Variants in ASPG observed in about 807,000 individuals in gnomAD.
ASPG encodes the protein asparaginase, also known as 60 kDa lysophospholipase.
Under a neutral mutation model 63.2 loss-of-function variants are expected in ASPG, and 53 were observed. The observed-to-expected ratio is 0.84, with a 90% confidence interval of 0.67 to 1.05. ASPG has a LOEUF of 1.05. Ranked by LOEUF, ASPG falls within the 50% of genes least tolerant of loss-of-function variation. The probability of loss-of-function intolerance (pLI) is 0.00; values close to 1 mark genes in which losing one functional copy is unlikely to be tolerated. For missense variants in ASPG, 741 were observed against 794.4 expected, an observed-to-expected ratio of 0.93 and a Z score of 0.81; for synonymous variants, 370 against 355.0, an observed-to-expected ratio of 1.04 and a Z score of -0.48.
chr14:104,099,147 G>A (rs1368579383), intron 6 of ASPG, among the ~76,000 whole-genome samples, 168 bp downstream of exon 6: 4 of 152,328 alleles, frequency 2.6e-5, no homozygotes, highest in Non-Finnish European at 2.9e-5. Flanking sequence ...CCAGGGCTGC[G>A]TGGACAGGGC....
Position 104,095,651 on chromosome 14 carries a change from G to A in ASPG, c.424G>A (p.Ala142Thr), listed in dbSNP as rs1188345756. The A allele has an allele frequency of 1.9e-6, 3 of 1,612,586 alleles. No individual in the cohort carries two copies. ...GCAGAAGACTGTCATCCTCACTGGG[G>A]CCCAGGTAATCCCAGGGGCCCGGGG... The part of the protein sequence containing the change: ...NLQKTVILTG[A>T]QVPIHALWSD... Residue 142 changes from alanine (A) to threonine (T), a missense_variant, in exon 4 of 16, where the codon GCC (alanine) becomes ACC (threonine). Ala to Thr is a moderately conservative substitution (Grantham distance 58, BLOSUM62 0). Transcript: ENST00000551177.
Position 104,104,683 on chromosome 14 carries a change from AGCTATCGTATGT to A in ASPG, c.1002_1013del (p.Ser335_Leu338del). 6.2e-7 allele frequency: 1 copy of A among 1,611,280 alleles called. No individual in the cohort carries two copies. The highest frequency in any genetic ancestry group is 1.1e-5 in the South Asian group (1 of 90,978). ...ATGACATCGGAGGCCGCCCTGGCCA[AGCTATCGTATGT>A]GCTGGGCCAGCCAGGGCTGAGCCTG... On this transcript the variant is annotated inframe_deletion, in exon 9 of 16. Coordinates refer to ENST00000551177, the MANE Select transcript of ASPG (RefSeq NM_001080464.3).
At chr14:104,104,221 T>C in intron 7 of ASPG, 83 bp from the exon 8 acceptor site, 1 of 1,448,846 alleles carries the variant, frequency 6.9e-7, no homozygotes, top group Non-Finnish European at 9.3e-7. Flanking sequence ...GGGGTCCCTC[T>C]CCTTGGGAGG....
chr14:104,102,364 A>G (rs542219455), intron 6 of ASPG, among the ~76,000 whole-genome samples: 2 of 152,084 alleles, frequency 1.3e-5, no homozygotes, highest in African/African-American at 4.8e-5. Context: ...AAGCTGCTCT[A>G]GCGGAAGCGG....
At chr14:104,092,578 G>A in intron 1 of ASPG, 55 bp from the exon 2 acceptor site, 1 of 1,413,096 alleles carries the variant, frequency 7.1e-7, no homozygotes, top group Non-Finnish European at 9.6e-7. Flanking sequence ...TGAGGGAGGA[G>A]GCGGCCATGG....
chr14:104,093,756 T>G (rs1596069913), intron 3 of ASPG, among the ~76,000 whole-genome samples, 154 bp downstream of exon 3: 1 of 26,682 alleles, frequency 3.7e-5, no homozygotes, highest in African/African-American at 1.5e-4. Context: ...ATGGGGAGTG[T>G]GGGTGGGGCT....
At chr14:104,088,691 C>T (rs1273602649) in intron 1 of ASPG, among the ~76,000 whole-genome samples, 4 of 152,174 alleles carry the variant, frequency 2.6e-5, no homozygotes, top group South Asian at 4.2e-4. Context: ...ACTGCAGTGG[C>T]GTCTGTGCCC....
intron 7 of ASPG, among the ~76,000 whole-genome samples, chr14:104,104,007 C>T (rs1338171262): frequency 2.0e-5 from 3 of 152,234 alleles, no homozygotes; most frequent in Non-Finnish European, 4.4e-5. Flanking sequence ...GCTCTGGGGC[C>T]TCTGATGGCC....
intron 1 of ASPG, among the ~76,000 whole-genome samples, chr14:104,090,670 C>T (rs1437228531): frequency 6.6e-6 from 1 of 152,236 alleles, no homozygotes; most frequent in Non-Finnish European, 1.5e-5. Context: ...GCCCTGTCGT[C>T]ATATGGCCTT....
chr14:104,097,552 A>G lies in ASPG; in HGVS notation c.430-2A>G. 1 of 1,552,124 alleles carries G rather than the reference A, an allele frequency of 6.4e-7. No homozygotes were observed. The highest frequency in any genetic ancestry group is 8.7e-7 in the Non-Finnish European group (1 of 1,148,066). ...TCAGCTACTCCGTGGCCTCTCCCCC[A>G]GGTGCCCATCCATGCCCTGTGGAGC... is the stretch of plus-strand genomic sequence containing the variant. On this transcript the variant is annotated splice_acceptor_variant, in intron 4 of 15. Transcript: ENST00000551177. LOFTEE classifies it high-confidence loss of function.
At position 104,104,540 on chromosome 14, in the gene ASPG, C is replaced by T. The variant is rs1391993391; in HGVS notation, c.936+54C>T. 26 of 1,592,860 alleles carry T rather than the reference C, an allele frequency of 1.6e-5. No homozygotes were observed. The Admixed American group carries it at 2.7e-4, about 17-fold the overall frequency. The stretch of plus-strand genomic sequence containing the variant: ...GGAAGGGGACAGCCTGAGGGCCTGG[C>T]AGAGGTGGGCTCTGACCCACCCCTC... On this transcript the variant is annotated intron_variant, in intron 8 of 15. Transcript: ENST00000551177.
In ASPG at chr14:104,104,679, G is replaced by A. The variant is rs765382686; in HGVS notation, c.994G>A (p.Ala332Thr). The A allele has an allele frequency of 1.9e-6, 3 of 1,611,078 alleles. No homozygotes were observed. Among genetic ancestry groups the A allele is most frequent in the South Asian group, 2.2e-5 (2 of 90,954 alleles). Residue 332 changes from alanine (A) to threonine (T), a missense_variant, in exon 9 of 16, where the codon GCC becomes ACC. Coordinates refer to ENST00000551177, the MANE Select transcript of ASPG (RefSeq NM_001080464.3). ...GFDMTSEAAL[A>T]KLSYVLGQPG... Reference sequence around the variant, plus strand: ...CGACATGACATCGGAGGCCGCCCTGGCCAAGCTATCGTATGTGCTGGGCCA... The same window carrying A: ...CGACATGACATCGGAGGCCGCCCTGACCAAGCTATCGTATGTGCTGGGCCA...
chr14:104,101,779 G>T (rs1315987114), intron 6 of ASPG, among the ~76,000 whole-genome samples: 5 of 152,194 alleles, frequency 3.3e-5, no homozygotes, highest in African/African-American at 1.2e-4. Flanking sequence ...ACGTGACCCA[G>T]CCACCCCAGC....
At chr14:104,103,696 C>A in intron 7 of ASPG, 21 bp downstream of exon 7, 1 of 1,539,696 alleles carries the variant, frequency 6.5e-7, no homozygotes, top group Non-Finnish European at 8.8e-7. Context: ...CCCCGGCCAT[C>A]CTGCCCCTGC....
In ASPG at chr14:104,107,246, G is replaced by T. The variant is rs1188960422; in HGVS notation, c.1334G>T (p.Gly445Val). The change falls in exon 12 of 16, where the codon GGC becomes GTC. Residue 445 changes from glycine (G) to valine (V), a missense_variant. Coordinates refer to ENST00000551177, the MANE Select transcript of ASPG (RefSeq NM_001080464.3). Reference sequence around the variant, plus strand: ...CCACTGCACGCGGCCGCCCGGGGAGGCCACACAGAGGCAGTCACCATGCTG... The same window carrying T: ...CCACTGCACGCGGCCGCCCGGGGAGTCCACACAGAGGCAGTCACCATGCTG... ...QTPLHAAARG[G>V]HTEAVTMLLQ... 4 of 1,608,144 alleles carry T rather than the reference G, an allele frequency of 2.5e-6. No homozygotes were observed. Among genetic ancestry groups the T allele is most frequent in the Non-Finnish European group, 3.4e-6 (4 of 1,177,040 alleles).
chr14:104,103,326 C>T (rs1566835173), intron 6 of ASPG, among the ~76,000 whole-genome samples: 1 of 152,274 alleles, frequency 6.6e-6, no homozygotes, highest in African/African-American at 2.4e-5. Flanking sequence ...CGCTGGCCAA[C>T]GAGTGCCTCC....
rs374725076 is a variant in ASPG, at chr14:104,104,716, G to A, written c.1031G>A (p.Ser344Asn). The A allele has an allele frequency of 1.2e-6, 2 of 1,600,052 alleles. No homozygotes were observed. Among genetic ancestry groups the A allele is most frequent in the African/African-American group, 2.7e-5 (2 of 74,604 alleles). ...TATGTGCTGGGCCAGCCAGGGCTGA[G>A]CCTGGATGTCAGGAAGGAGGTGCGG... The part of the protein sequence containing the change: ...LSYVLGQPGL[S>N]LDVRKELLTK... The change falls in exon 9 of 16, where the codon AGC becomes AAC. Residue 344 changes from serine to asparagine, a missense_variant. By Grantham distance (46) the Ser-to-Asn change is conservative. Transcript: ENST00000551177.
intron 5 of ASPG, 144 bp downstream of exon 5, chr14:104,097,781 G>A: frequency 1.4e-6 from 1 of 731,678 alleles, no homozygotes; most frequent in Non-Finnish European, 2.2e-6. Context: ...CTTATGTTGT[G>A]GATATTTACA....
At position 104,110,823 on chromosome 14, in the gene ASPG, C is replaced by A; in HGVS notation, c.1521-679C>A. The A allele has an allele frequency of 1.0e-6, 1 of 985,286 alleles. No homozygotes were observed. The highest frequency in any genetic ancestry group is 5.2e-4 in the Middle Eastern group (1 of 1,914). The allele number at this position is 985,286 out of a possible 1,614,324, so 61.0% of individuals were successfully genotyped here. On this transcript the variant is annotated intron_variant, in intron 13 of 15. Transcript: ENST00000551177. The surrounding 1 kb of genome is among the most constrained non-coding windows in gnomAD (Gnocchi z 4.7). ...CCCCACCTGGCCTGCTCCTGGCCTCCCCAGGTGGCGAGTGAGTTCTTCCCA... is the reference window on the plus strand; with the variant it reads ...CCCCACCTGGCCTGCTCCTGGCCTCACCAGGTGGCGAGTGAGTTCTTCCCA...
Sources: gnomAD v4.1 joint callset for allele counts (sites outside exome capture counted in the v4.1 genomes callset) on GRCh38, gnomAD v4.1.1 for gene constraint, Gnocchi (gnomAD v3.1) non-coding constraint, MANE v1.5 for transcripts, NCBI Gene and HGNC (gene_info 2026-07-23, HGNC 2026-07-21) for gene names.